UACA: variants seen among roughly 807,000 people sequenced by gnomAD.
UACA encodes nuclear membrane binding protein.
In UACA, 112 loss-of-function variants were observed where a neutral mutation model predicts 160.5. The observed-to-expected ratio is 0.70, with a 90% CI of 0.60 to 0.82. The LOEUF is 0.82. Ranked by LOEUF, UACA falls within the 40% of genes least tolerant of loss-of-function variation. UACA has a pLI of 0.00. For synonymous variants in UACA, 557 were observed against 568.4 expected (o/e 0.98, Z 0.29); for missense variants, 1,574 against 1,614.6 (o/e 0.97, Z 0.43).
chr15:70,700,269 T>G (rs1208685584), intron 1 of UACA, among the ~76,000 whole-genome samples: 1 of 135,732 alleles, frequency 7.4e-6, no homozygotes, highest in Non-Finnish European at 1.6e-5. Flanking sequence ...ATTTAAAAAG[T>G]ACTGTTGGAA....
intron 1 of UACA, among the ~76,000 whole-genome samples, chr15:70,727,609 C>G (rs1899187122): frequency 1.3e-5 from 2 of 151,994 alleles, no homozygotes; most frequent in South Asian, 4.2e-4. Context: ...ATTTCAATTC[C>G]TATTAAACTT....
intron 2 of UACA, among the ~76,000 whole-genome samples, chr15:70,695,673 T>C (rs1423107870): frequency 6.6e-6 from 1 of 152,144 alleles, no homozygotes; most frequent in Non-Finnish European, 1.5e-5. Flanking sequence ...AACTACCAAC[T>C]AATTCTTCCT....
Position 70,657,073 on chromosome 15 carries a change from G to A in UACA, c.4234C>T (p.Gln1412Ter). Residue 1412 changes from glutamine to a stop codon, truncating the protein, a stop_gained, in exon 19 of 19, where the codon CAG becomes TAG. Coordinates refer to ENST00000322954, the MANE Select transcript of UACA (RefSeq NM_018003.4). LOFTEE classifies it high-confidence loss of function. Reference sequence around the variant, plus strand: ...GCTAACGGCTAGCACACAAGCCCCTGCCGCATTTGTATGATCTGGAGCAGA... The same window carrying A: ...GCTAACGGCTAGCACACAAGCCCCTACCGCATTTGTATGATCTGGAGCAGA... ...EALLQIIQMRQGLVC is the reference protein window; with the variant it reads ...EALLQIIQMR 2 of 1,614,088 alleles carry A rather than the reference G, an allele frequency of 1.2e-6. No homozygotes were observed. Among genetic ancestry groups the A allele is most frequent in the East Asian group, 2.2e-5 (1 of 44,886 alleles).
At chr15:70,677,428 C>A (rs189088023) in intron 11 of UACA, among the ~76,000 whole-genome samples, 1 of 152,268 alleles carries the variant, frequency 6.6e-6, no homozygotes, top group African/African-American at 2.4e-5. Flanking sequence ...TCCCATGGCC[C>A]TAACTATAGT....
chr15:70,680,188 A>ATT (rs1897447828), intron 9 of UACA, among the ~76,000 whole-genome samples: 1 of 152,198 alleles, frequency 6.6e-6, no homozygotes, highest in Non-Finnish European at 1.5e-5. Context: ...CAATATAAAA[A>ATT]GGTCTTTAAA....
Position 70,667,704 on chromosome 15 carries a change from A to T in UACA, c.2980T>A (p.Cys994Ser). ...KYAPIVSFEECERKFKATEKE... is the reference protein window; with the variant it reads ...KYAPIVSFEESERKFKATEKE... ...TCTGTTGCTTTAAATTTTCTCTCGC[A>T]CTCCTCAAAGCTGACAATTGGGGCG... Residue 994 changes from cysteine to serine, a missense_variant, in exon 16 of 19, where the codon TGC becomes AGC. Transcript: ENST00000322954. 6.2e-7 allele frequency: 1 copy of T among 1,613,454 alleles called. No homozygotes were observed. The highest frequency in any genetic ancestry group is 8.5e-7 in the Non-Finnish European group (1 of 1,179,886).
At chr15:70,670,453 G>T (rs1034253475) in intron 15 of UACA, among the ~76,000 whole-genome samples, 1 of 152,048 alleles carries the variant, frequency 6.6e-6, no homozygotes, top group African/African-American at 2.4e-5. Context: ...CGCCCACTTG[G>T]CCTTCTTCCA....
At chr15:70,698,899 G>C (rs931557737) in intron 2 of UACA, among the ~76,000 whole-genome samples, 1 of 152,136 alleles carries the variant, frequency 6.6e-6, no homozygotes. Flanking sequence ...AAGGGGAGAA[G>C]ACAGACACAT....
intron 1 of UACA, 117 bp from the exon 2 acceptor site, chr15:70,699,777 G>C: frequency 8.7e-7 from 1 of 1,155,888 alleles, no homozygotes; most frequent in Non-Finnish European, 1.2e-6. Context: ...TTATTTTCCA[G>C]TTGCATTCCA....
chr15:70,681,335 G>C (rs1015251361), intron 9 of UACA, among the ~76,000 whole-genome samples: 4 of 151,892 alleles, frequency 2.6e-5, no homozygotes, highest in Non-Finnish European at 5.9e-5. Flanking sequence ...TATACTGTAG[G>C]CTTCTTGAAA....
In UACA at chr15:70,745,886, T is replaced by C. The variant is rs1404724170; in HGVS notation, c.78+17444A>G. Among the ~76,000 whole-genome samples the C allele has an allele frequency of 2.0e-5, 3 of 152,096 alleles. No individual in the cohort carries two copies. The East Asian group carries it at 5.8e-4, about 29-fold the overall frequency. On this transcript the variant is annotated intron_variant, in intron 1 of 18. Transcript: ENST00000322954. Reference sequence around the variant, plus strand: ...AAAGGATTCCCTACTTAATAAATGGTGTTGGGAAAACTGGCTAGCCATATG... The same window carrying C: ...AAAGGATTCCCTACTTAATAAATGGCGTTGGGAAAACTGGCTAGCCATATG...
At chr15:70,662,757 G>A (rs1196029582) in intron 17 of UACA, among the ~76,000 whole-genome samples, 1 of 152,158 alleles carries the variant, frequency 6.6e-6, no homozygotes, top group African/African-American at 2.4e-5. Flanking sequence ...AACAAGAAAT[G>A]GGGAAACCAT....
At chr15:70,741,068 A>AG (rs1178120673) in intron 1 of UACA, among the ~76,000 whole-genome samples, 3 of 151,976 alleles carry the variant, frequency 2.0e-5, no homozygotes, top group South Asian at 2.1e-4. Flanking sequence ...AAAAATAAAA[A>AG]GGGGGGGCTG....
chr15:70,693,563 A>G (rs1214000234), intron 3 of UACA, among the ~76,000 whole-genome samples: 1 of 152,116 alleles, frequency 6.6e-6, no homozygotes, highest in East Asian at 1.9e-4. Context: ...AACATATCAA[A>G]TGAAAATATA....
chr15:70,656,986 A>AC lies in UACA; in HGVS notation c.*69dup. 7.9e-7 allele frequency: 1 copy of AC among 1,272,852 alleles called. No homozygotes were observed. Among genetic ancestry groups the AC allele is most frequent in the Non-Finnish European group, 1.1e-6 (1 of 873,404 alleles). 78.8% of individuals were successfully genotyped at this position (1,272,852 alleles called of 1,614,324 possible). On this transcript the variant is annotated 3_prime_UTR_variant, in exon 19 of 19. Coordinates refer to ENST00000322954, the MANE Select transcript of UACA (RefSeq NM_018003.4). Reference sequence around the variant, plus strand: ...TACCAGCACAGTAAGGCCCAGAAAGACCATGGAGTTGCACAAAGAATGTTC... The same window carrying AC: ...TACCAGCACAGTAAGGCCCAGAAAGACCCATGGAGTTGCACAAAGAATGTTC...
chr15:70,740,176 TA>T (rs1566995900), intron 1 of UACA, among the ~76,000 whole-genome samples: 4 of 151,582 alleles, frequency 2.6e-5, no homozygotes, highest in Non-Finnish European at 5.9e-5. Context: ...TTTAAATACA[TA>T]AGAAATACTG....
upstream of UACA, chr15:70,763,730 G>A: frequency 3.3e-6 from 1 of 298,736 alleles, no homozygotes. Flanking sequence ...AGCCCGGGAA[G>A]GGGCGGAGGA....
chr15:70,696,888 G>C (rs1898147955), intron 2 of UACA, among the ~76,000 whole-genome samples: 1 of 152,122 alleles, frequency 6.6e-6, no homozygotes, highest in African/African-American at 2.4e-5. Flanking sequence ...ACATTATAAT[G>C]ATGATGTACA....
intron 1 of UACA, chr15:70,749,248 C>T: frequency 4.5e-6 from 2 of 440,874 alleles, no homozygotes; most frequent in Non-Finnish European, 9.1e-6. Flanking sequence ...AAAACAGGGC[C>T]GGGCGCGGTG....
Sources: allele counts gnomAD v4.1 joint callset (sites outside exome capture counted in the v4.1 genomes callset), GRCh38; gene constraint gnomAD v4.1.1; transcripts MANE v1.5; gene names NCBI Gene and HGNC (gene_info 2026-07-23, HGNC 2026-07-21).